The following USH2A variants were observed in gnomAD, a reference collection of about 807,000 sequenced individuals.
USH2A encodes usherin.
A neutral mutation model predicts 538.9 loss-of-function variants in USH2A; 443 were observed. That is an observed-to-expected ratio of 0.82 (90% CI 0.76 to 0.89). USH2A has a LOEUF of 0.89. Ranked by LOEUF, USH2A falls within the 40% of genes least tolerant of loss-of-function variation. The pLI is 0.00. For missense variants in USH2A, 6,633 were observed against 6,324.8 expected (o/e 1.05, Z -1.65); for synonymous variants, 2,413 against 2,273.5 (o/e 1.06, Z -1.75).
intron 47 of USH2A, among the ~76,000 whole-genome samples, chr1:215,823,322 G>A (rs983267975): frequency 1.3e-5 from 2 of 151,898 alleles, no homozygotes; most frequent in African/African-American, 2.4e-5. Flanking sequence ...ACTTTTATAT[G>A]GCATTTGTTT....
chr1:215,835,469 C>T (rs1663450895), intron 47 of USH2A, among the ~76,000 whole-genome samples: 2 of 152,276 alleles, frequency 1.3e-5, no homozygotes, highest in South Asian at 2.1e-4. Context: ...GTTTTTACTT[C>T]TGTGTCTCAT....
rs1387981436 is a variant in USH2A at position 216,192,549 on chromosome 1, A to G, written c.4252-2182T>C. Among the ~76,000 whole-genome samples the G allele has an allele frequency of 2.0e-5, 3 of 152,004 alleles. No individual in the cohort carries two copies. The East Asian group carries it at 5.8e-4, about 30-fold the overall frequency. On this transcript the variant is annotated intron_variant, in intron 19 of 71. Coordinates refer to ENST00000307340, the MANE Select transcript of USH2A (RefSeq NM_206933.4). ...TCTACTAAAAATAAAAATTAAAAAA[A>G]AAATTAGTCAGGTGTAGTGGCACAC...
chr1:216,289,134 A>G, intron 11 of USH2A, 146 bp downstream of exon 11: 1 of 1,206,408 alleles, frequency 8.3e-7, no homozygotes, highest in Non-Finnish European at 1.2e-6. Flanking sequence ...TCAAAGTTGC[A>G]CACGAACAAC....
intron 4 of USH2A, among the ~76,000 whole-genome samples, chr1:216,350,737 G>A (rs2038265806): frequency 1.3e-5 from 2 of 152,146 alleles, no homozygotes; most frequent in Admixed American, 1.3e-4. Context: ...GGCACTGAGT[G>A]CCTGCAGTTT....
At chr1:216,400,968 A>C (rs2039293817) in intron 3 of USH2A, among the ~76,000 whole-genome samples, 1 of 152,196 alleles carries the variant, frequency 6.6e-6, no homozygotes, top group African/African-American at 2.4e-5. Context: ...ACAAAATGAT[A>C]ATAAAAGCTT....
chr1:215,754,147 C>T (rs775296228), intron 58 of USH2A, among the ~76,000 whole-genome samples: 7 of 152,064 alleles, frequency 4.6e-5, no homozygotes, highest in South Asian at 2.1e-4. Context: ...TGTCTTCTAG[C>T]GTTTGCATAA....
chr1:215,983,115 T>C (rs1185654277), intron 35 of USH2A, among the ~76,000 whole-genome samples: 1 of 152,082 alleles, frequency 6.6e-6, no homozygotes, highest in African/African-American at 2.4e-5. Flanking sequence ...CATGCCCAGA[T>C]AATTTTTGTA....
intron 37 of USH2A, among the ~76,000 whole-genome samples, chr1:215,965,096 G>A (rs575687923): frequency 3.3e-5 from 5 of 152,162 alleles, no homozygotes; most frequent in Non-Finnish European, 5.9e-5. Flanking sequence ...GCTCTACAAC[G>A]TACATTTCTA....
In USH2A at chr1:215,838,547, A is replaced by G. The variant is rs1212628434; in HGVS notation, c.9259-444T>C. Among the ~76,000 whole-genome samples the G allele has an allele frequency of 2.0e-5, 3 of 152,190 alleles. No individual in the cohort carries two copies. In the East Asian group the frequency reaches 5.8e-4, roughly 29 times the overall value. On this transcript the variant is annotated intron_variant, in intron 46 of 71. Transcript: ENST00000307340. Reference sequence around the variant, plus strand: ...CAAATAGCCTAAATGCTAATGTCTAATGGAGGAAAAATGAGGCCTAGAGAA... The same window carrying G: ...CAAATAGCCTAAATGCTAATGTCTAGTGGAGGAAAAATGAGGCCTAGAGAA...
rs545514875 is a variant in USH2A at position 216,233,823 on chromosome 1, G to C, written c.2810-1687C>G. ...TATCAGGCAGTTGAATGTGGAGCAG[G>C]CATATGAGGGAGAAATGGTTCTTAG... On this transcript the variant is annotated intron_variant, in intron 13 of 71. Transcript: ENST00000307340. Among the ~76,000 whole-genome samples, 273 of 152,230 alleles carry C rather than the reference G, an allele frequency of 1.8e-3. 3 individuals carry two copies. Among genetic ancestry groups the C allele is most frequent in the African/African-American group, 6.4e-3 (267 of 41,546 alleles).
At chr1:215,754,607 A>G (rs890099955) in intron 58 of USH2A, among the ~76,000 whole-genome samples, 6 of 152,182 alleles carry the variant, frequency 3.9e-5, no homozygotes, top group South Asian at 2.1e-4. Context: ...CTGGGCCACA[A>G]TGAAAGAAGA....
chr1:216,027,270 G>C (rs532041629), intron 32 of USH2A, among the ~76,000 whole-genome samples: 3 of 152,242 alleles, frequency 2.0e-5, no homozygotes, highest in African/African-American at 7.2e-5. Flanking sequence ...CAGGGTGTGC[G>C]TGTACAAAGA....
chr1:215,696,992 A>G (rs907426685), intron 61 of USH2A, among the ~76,000 whole-genome samples: 4 of 151,808 alleles, frequency 2.6e-5, no homozygotes, highest in Admixed American at 1.3e-4. Flanking sequence ...TTACTTTGAC[A>G]CTCAGGCTGG....
Position 216,306,360 on chromosome 1 carries a change from A to G in USH2A, c.1645-13990T>C, listed in dbSNP as rs571858408. ...AGTGTGTCCTTAATTTCCAGAAATT[A>G]TGATTGCTTCTTATTTATGCTATTT... On this transcript the variant is annotated intron_variant, in intron 9 of 71. Coordinates refer to ENST00000307340, the MANE Select transcript of USH2A (RefSeq NM_206933.4). Among the ~76,000 whole-genome samples, 9 of 152,252 alleles carry G rather than the reference A, an allele frequency of 5.9e-5. No individual in the cohort carries two copies. The South Asian group carries it at 1.9e-3, about 32-fold the overall frequency.
intron 65 of USH2A, among the ~76,000 whole-genome samples, chr1:215,649,827 T>C (rs1656993863): frequency 6.6e-6 from 1 of 152,220 alleles, no homozygotes; most frequent in African/African-American, 2.4e-5. Flanking sequence ...CACTTATTCA[T>C]GAGAAACTTG....
intron 32 of USH2A, among the ~76,000 whole-genome samples, chr1:216,038,899 A>T (rs1241953550): frequency 6.6e-6 from 1 of 152,040 alleles, no homozygotes; most frequent in Non-Finnish European, 1.5e-5. Context: ...TATTCCCATG[A>T]TTCTTCTAAA....
At chr1:216,175,562 T>C (rs910715919) in intron 20 of USH2A, 80 bp from the exon 21 acceptor site, 105 of 1,286,040 alleles carry the variant, frequency 8.2e-5, no homozygotes, top group Admixed American at 3.3e-4. Flanking sequence ...TACGTATATA[T>C]GTATTTGTAT....
At chr1:216,142,461 AC>A (rs976759150) in intron 21 of USH2A, among the ~76,000 whole-genome samples, 22 of 152,224 alleles carry the variant, frequency 1.4e-4, no homozygotes, top group African/African-American at 5.1e-4. Flanking sequence ...ATAGCAAGGT[AC>A]CATGTGAAAC....
chr1:216,308,739 T>G (rs372016563), intron 9 of USH2A, among the ~76,000 whole-genome samples: 1 of 152,208 alleles, frequency 6.6e-6, no homozygotes, highest in Non-Finnish European at 1.5e-5. Flanking sequence ...TGAAACTATA[T>G]TATGAGATGC....
Sources: gnomAD v4.1 joint callset for allele counts (sites outside exome capture counted in the v4.1 genomes callset) on GRCh38, gnomAD v4.1.1 for gene constraint, MANE v1.5 for transcripts, NCBI Gene and HGNC (gene_info 2026-07-23, HGNC 2026-07-21) for gene names.